STK3: variants seen among roughly 807,000 people sequenced by gnomAD.
The protein encoded by STK3 is serine/threonine kinase 3, also known as serine/threonine-protein kinase 3.
STK3 carries 41 observed loss-of-function variants against 58.0 expected under a neutral mutation model. That is an observed-to-expected ratio of 0.71 (90% CI 0.55 to 0.92). STK3 has a LOEUF of 0.92. Among genes scored for constraint, STK3 ranks in the 40% least tolerant of loss-of-function variants. STK3 has a pLI of 0.00. For synonymous variants in STK3, 170 were observed against 191.0 expected (o/e 0.89, Z 0.91); for missense variants, 479 against 602.7 (o/e 0.79, Z 2.15).
chr8:98,871,859 G>A (rs1191776331), intron 3 of STK3, among the ~76,000 whole-genome samples: 1 of 152,118 alleles, frequency 6.6e-6, no homozygotes, highest in Non-Finnish European at 1.5e-5. Flanking sequence ...GATTGCCCTG[G>A]CCAGAACTTC....
chr8:98,402,432 T>C (rs911813130), intron 3 of STK3, among the ~76,000 whole-genome samples: 1 of 152,200 alleles, frequency 6.6e-6, no homozygotes, highest in South Asian at 2.1e-4. Context: ...AGTCTGTGTT[T>C]GGCTCATTCC....
chr8:98,451,637 G>C (rs1206548258), downstream of STK3, among the ~76,000 whole-genome samples: 1 of 152,186 alleles, frequency 6.6e-6, no homozygotes, highest in Non-Finnish European at 1.5e-5. Context: ...GAATTGAGCT[G>C]GTTCTCTGCT....
intron 2 of STK3, 79 bp from the exon 3 acceptor site, chr8:98,767,450 T>C: frequency 1.5e-6 from 2 of 1,336,236 alleles, no homozygotes; most frequent in Non-Finnish European, 2.0e-6. Context: ...GAGTTTTCTG[T>C]GGATAGTCTT....
At chr8:98,692,954 G>A (rs1824518910) in intron 6 of STK3, among the ~76,000 whole-genome samples, 1 of 151,992 alleles carries the variant, frequency 6.6e-6, no homozygotes, top group African/African-American at 2.4e-5. Context: ...CACAATTTGG[G>A]GGGGAAAAAT....
intron 4 of STK3, among the ~76,000 whole-genome samples, chr8:98,733,793 C>T (rs1828376947): frequency 6.6e-6 from 1 of 152,172 alleles, no homozygotes; most frequent in Admixed American, 6.5e-5. Context: ...TTCTAGTGAA[C>T]AGCACTGGGC....
intron 9 of STK3, among the ~76,000 whole-genome samples, chr8:98,544,738 AC>A (rs1810564255): frequency 6.6e-6 from 1 of 151,950 alleles, no homozygotes. Context: ...CATTCATGAA[AC>A]CAATATTCCA....
At chr8:98,522,160 T>C (rs1318033811) in intron 10 of STK3, among the ~76,000 whole-genome samples, 2 of 152,126 alleles carry the variant, frequency 1.3e-5, no homozygotes, top group Admixed American at 6.6e-5. Flanking sequence ...ATTGGAAAAA[T>C]AGATTCACAA....
chr8:98,813,041 A>AT (rs1226591082), intron 1 of STK3, among the ~76,000 whole-genome samples: 2 of 152,078 alleles, frequency 1.3e-5, no homozygotes, highest in East Asian at 3.9e-4. Context: ...ACAATAAAAA[A>AT]AAAAAAAAGA....
At chr8:98,774,041 C>A (rs1831501478) in intron 2 of STK3, among the ~76,000 whole-genome samples, 1 of 152,138 alleles carries the variant, frequency 6.6e-6, no homozygotes, top group Non-Finnish European at 1.5e-5. Context: ...AGTGATCCAC[C>A]CACCTCAGCC....
At chr8:98,390,428 G>C (rs1394629474), upstream of STK3, among the ~76,000 whole-genome samples, 2 of 152,064 alleles carry the variant, frequency 1.3e-5, no homozygotes, top group Non-Finnish European at 2.9e-5. Context: ...GTAGTATGTT[G>C]TTTTTCTCTA....
At chr8:98,684,804 T>C (rs1010409622) in intron 6 of STK3, among the ~76,000 whole-genome samples, 2 of 152,196 alleles carry the variant, frequency 1.3e-5, no homozygotes, top group Admixed American at 6.5e-5. Flanking sequence ...TAGATTCAAG[T>C]TGCAAATCAT....
chr8:98,604,145 A>T (rs1291973004), intron 6 of STK3, among the ~76,000 whole-genome samples: 1 of 152,234 alleles, frequency 6.6e-6, no homozygotes, highest in African/African-American at 2.4e-5. Flanking sequence ...GGCAGCCTTT[A>T]GAAGCTTGAA....
chr8:98,745,984 T>C (rs564738358), intron 4 of STK3, among the ~76,000 whole-genome samples: 2 of 152,334 alleles, frequency 1.3e-5, no homozygotes, highest in South Asian at 4.1e-4. Flanking sequence ...AACACAATGG[T>C]AAGTATTCGT....
At chr8:98,787,167 C>CAAA (rs35568354) in intron 1 of STK3, among the ~76,000 whole-genome samples, 3 of 22,674 alleles carry the variant, frequency 1.3e-4, no homozygotes, top group African/African-American at 1.9e-4. Context: ...GACTCCACCT[C>CAAA]AAAAAAAAAA....
chr8:98,695,343 T>C (rs920301932), intron 6 of STK3, among the ~76,000 whole-genome samples: 8 of 152,208 alleles, frequency 5.3e-5, no homozygotes, highest in Non-Finnish European at 7.3e-5. Context: ...AGAAGCTCTT[T>C]AGTTTAATTA....
At chr8:98,351,245 C>A in the STK3 span, among the ~76,000 whole-genome samples, 1 of 152,168 alleles carries the variant, frequency 6.6e-6, no homozygotes, top group Non-Finnish European at 1.5e-5. Flanking sequence ...TCGTGTAGAG[C>A]ATTAAATACA....
chr8:98,769,759 A>G (rs2131459539), intron 2 of STK3, among the ~76,000 whole-genome samples: 1 of 152,344 alleles, frequency 6.6e-6, no homozygotes, highest in South Asian at 2.1e-4. Context: ...TGTATGGTGA[A>G]AATAAAGTAT....
chr8:98,383,212 A>G (rs1358333317), intron 1 of STK3, among the ~76,000 whole-genome samples: 5 of 152,304 alleles, frequency 3.3e-5, no homozygotes, highest in South Asian at 2.1e-4. Context: ...GAGATAGGCA[A>G]TTCTTTTCAT....
At chr8:98,464,907 T>G (rs992932172) in intron 10 of STK3, among the ~76,000 whole-genome samples, 2 of 152,188 alleles carry the variant, frequency 1.3e-5, no homozygotes, top group African/African-American at 4.8e-5. Context: ...GGCCCAGGTC[T>G]TCAGCTGACT....
Sources: allele counts gnomAD v4.1 joint callset (sites outside exome capture counted in the v4.1 genomes callset), GRCh38; gene constraint gnomAD v4.1.1; transcripts MANE v1.5; gene names NCBI Gene and HGNC (gene_info 2026-07-23, HGNC 2026-07-21).